CHST9: variants seen among roughly 807,000 people sequenced by gnomAD.
CHST9 encodes GalNAc-4-sulfotransferase 2.
CHST9 carries 41 observed loss-of-function variants against 44.4 expected under a neutral mutation model. The observed-to-expected ratio is 0.92, with a 90% CI of 0.72 to 1.20. The LOEUF (loss-of-function observed/expected upper bound fraction) is 1.20, where lower values mean the gene tolerates loss of function less well. CHST9 is among the 50% of genes most tolerant of loss of function. CHST9 has a pLI of 0.00. For missense variants in CHST9, 504 were observed against 516.5 expected, an observed-to-expected ratio of 0.98 and a Z score of 0.23; for synonymous variants, 171 against 178.4, an observed-to-expected ratio of 0.96 and a Z score of 0.33.
chr18:27,071,767 G>A (rs2057843004), intron 2 of CHST9, among the ~76,000 whole-genome samples: 1 of 152,144 alleles, frequency 6.6e-6, no homozygotes, highest in South Asian at 2.1e-4. Context: ...ATTGCTAGAG[G>A]ACATACAAAT....
At chr18:27,150,353 A>T (rs549557688) in intron 1 of CHST9, among the ~76,000 whole-genome samples, 36 of 152,282 alleles carry the variant, frequency 2.4e-4, no homozygotes, top group South Asian at 1.7e-3. Flanking sequence ...AGCCTAGCAC[A>T]TTCTAAACAT....
intron 1 of CHST9, among the ~76,000 whole-genome samples, chr18:27,155,881 G>A (rs2058695107): frequency 6.6e-6 from 1 of 152,174 alleles, no homozygotes; most frequent in South Asian, 2.1e-4. Context: ...AAACTTGAAT[G>A]CATCCACCGG....
At chr18:27,116,574 C>G (rs918328354) in intron 2 of CHST9, among the ~76,000 whole-genome samples, 2 of 152,046 alleles carry the variant, frequency 1.3e-5, no homozygotes, top group African/African-American at 2.4e-5. Flanking sequence ...TTTAGTTATT[C>G]TGAGTCTCTT....
At chr18:27,009,670 T>A (rs942801290) in intron 4 of CHST9, among the ~76,000 whole-genome samples, 1 of 152,186 alleles carries the variant, frequency 6.6e-6, no homozygotes, top group African/African-American at 2.4e-5. Flanking sequence ...TGGGCAGTAA[T>A]GAAGTGGAAA....
chr18:27,008,513 T>C (rs1233352888), intron 4 of CHST9, among the ~76,000 whole-genome samples: 2 of 152,242 alleles, frequency 1.3e-5, no homozygotes, highest in African/African-American at 4.8e-5. Context: ...TCAATTTAAA[T>C]GTAGTTCTTT....
chr18:27,167,199 C>T (rs1218471167), intron 1 of CHST9, among the ~76,000 whole-genome samples: 1 of 152,190 alleles, frequency 6.6e-6, no homozygotes, highest in Non-Finnish European at 1.5e-5. Context: ...GCTTTTAACT[C>T]ACCATAGTCA....
At chr18:27,183,157 T>C (rs2058927254) in intron 1 of CHST9, among the ~76,000 whole-genome samples, 3 of 152,140 alleles carry the variant, frequency 2.0e-5, no homozygotes, top group Non-Finnish European at 2.9e-5. Context: ...TACTGGAGTA[T>C]ACACCAGCCT....
chr18:27,042,289 A>T (rs1285031519), intron 3 of CHST9, among the ~76,000 whole-genome samples: 1 of 152,128 alleles, frequency 6.6e-6, no homozygotes. Context: ...TGACCAAGTC[A>T]CATAGCAGGG....
intron 4 of CHST9, among the ~76,000 whole-genome samples, chr18:27,017,223 G>A (rs1301309070): frequency 1.3e-5 from 2 of 152,064 alleles, no homozygotes; most frequent in Non-Finnish European, 2.9e-5. Flanking sequence ...TCAACATAAC[G>A]ATATTTCTGA....
In CHST9 at chr18:26,916,796, C is replaced by T. The variant is rs771039149; in HGVS notation, c.795G>A (p.Gly265=). The change falls in exon 6 of 6, where the codon GGG becomes GGA. Residue 265 remains glycine, a synonymous_variant. Coordinates refer to ENST00000618847, the MANE Select transcript of CHST9 (RefSeq NM_031422.6). ...TGTAAGTATTTAAGCGGGTATATAT[C>T]CCTTTTAGGTCAAAGCTATCTAGCT... ...LKKLDSFDLK[G]IYTRLNTYTK... 12 of 1,613,810 alleles carry T rather than the reference C, an allele frequency of 7.4e-6. No homozygotes were observed. The highest frequency in any genetic ancestry group is 1.0e-5 in the Non-Finnish European group (12 of 1,179,836).
chr18:27,066,114 G>A (rs1395828396), intron 2 of CHST9, among the ~76,000 whole-genome samples: 1 of 152,236 alleles, frequency 6.6e-6, no homozygotes, highest in East Asian at 1.9e-4. Flanking sequence ...GGTACCTCAT[G>A]AAGGGTGGGA....
chr18:27,158,451 T>G (rs1350191758), intron 1 of CHST9, among the ~76,000 whole-genome samples: 1 of 151,344 alleles, frequency 6.6e-6, no homozygotes, highest in Non-Finnish European at 1.5e-5. Flanking sequence ...TTTTTATGGC[T>G]GCATAGTATT....
chr18:27,050,857 T>C (rs953967428), intron 2 of CHST9, among the ~76,000 whole-genome samples: 1 of 152,202 alleles, frequency 6.6e-6, no homozygotes, highest in African/African-American at 2.4e-5. Context: ...ATTCAAGGCT[T>C]GAATTGTAAA....
At chr18:27,041,129 T>C (rs1461012055) in intron 3 of CHST9, among the ~76,000 whole-genome samples, 1 of 152,124 alleles carries the variant, frequency 6.6e-6, no homozygotes, top group Non-Finnish European at 1.5e-5. Context: ...ATTCAACACA[T>C]ACATATGAGC....
At chr18:27,142,630 T>A (rs1224880376) in intron 2 of CHST9, 59 bp downstream of exon 2, 1 of 1,230,696 alleles carries the variant, frequency 8.1e-7, no homozygotes, top group African/African-American at 1.6e-5. Context: ...ACAACTAATT[T>A]AATTTAAAAA....
At chr18:27,071,694 A>G (rs9954591) in intron 2 of CHST9, among the ~76,000 whole-genome samples, 34,223 of 152,102 alleles carry the variant, frequency 0.23, 3,992 homozygotes, top group East Asian at 0.35. Context: ...TCATAAATAC[A>G]TTGTTGAGAA....
At chr18:27,060,419 A>G (rs547149540) in intron 2 of CHST9, among the ~76,000 whole-genome samples, 10 of 152,330 alleles carry the variant, frequency 6.6e-5, no homozygotes, top group African/African-American at 2.4e-4. Flanking sequence ...GACTTCAGAA[A>G]AAGCAAGCCA....
intron 4 of CHST9, among the ~76,000 whole-genome samples, chr18:26,971,557 G>A (rs986516769): frequency 6.6e-6 from 1 of 152,198 alleles, no homozygotes; most frequent in Non-Finnish European, 1.5e-5. Context: ...GGCTGCCAGG[G>A]GAATAATGTT....
At chr18:27,117,706 T>C (rs1300785282) in intron 2 of CHST9, among the ~76,000 whole-genome samples, 3 of 152,224 alleles carry the variant, frequency 2.0e-5, no homozygotes, top group Non-Finnish European at 4.4e-5. Context: ...TTTCTTCATG[T>C]CTTTTCATGG....
Sources: gnomAD v4.1 joint callset for allele counts (sites outside exome capture counted in the v4.1 genomes callset) on GRCh38, gnomAD v4.1.1 for gene constraint, MANE v1.5 for transcripts, NCBI Gene and HGNC (gene_info 2026-07-23, HGNC 2026-07-21) for gene names.